Variants in ATP8B4 observed in about 807,000 individuals in gnomAD.
The protein encoded by ATP8B4 is probable phospholipid-transporting ATPase IM.
In ATP8B4, 133 loss-of-function variants were observed where a neutral mutation model predicts 145.6. The observed-to-expected ratio is 0.91, with a 90% confidence interval of 0.79 to 1.05. The LOEUF is 1.05. Among genes scored for constraint, ATP8B4 ranks in the 50% least tolerant of loss-of-function variants. ATP8B4 has a pLI of 0.00. For synonymous variants in ATP8B4, 507 were observed against 492.9 expected (o/e 1.03, Z -0.38); for missense variants, 1,458 against 1,425.2 (o/e 1.02, Z -0.37).
At chr15:50,110,771 A>T (rs1255115070) in intron 1 of ATP8B4, among the ~76,000 whole-genome samples, 1 of 152,208 alleles carries the variant, frequency 6.6e-6, no homozygotes, top group Non-Finnish European at 1.5e-5. Flanking sequence ...AAAATCCTAG[A>T]GGGTTGCTTT....
intron 23 of ATP8B4, among the ~76,000 whole-genome samples, chr15:49,883,813 A>G (rs867127875): frequency 3.3e-5 from 5 of 152,060 alleles, no homozygotes; most frequent in African/African-American, 4.8e-5. Context: ...CCCAAAGGGG[A>G]AAAAAAGGTT....
At chr15:50,120,064 A>G (rs2057251267), upstream of ATP8B4, among the ~76,000 whole-genome samples, 1 of 152,178 alleles carries the variant, frequency 6.6e-6, no homozygotes, top group South Asian at 2.1e-4. Context: ...CTTCTTTTAA[A>G]TATGCCTAAA....
chr15:50,085,876 T>TTTATATATTTATATATGATATATATC (rs2054889077), intron 2 of ATP8B4, among the ~76,000 whole-genome samples: 1 of 32,048 alleles, frequency 3.1e-5, no homozygotes, highest in African/African-American at 1.8e-4. Context: ...ATCATATATA[T>TTTATATATTTATATATGATATATATC]TTATATATTT....
upstream of ATP8B4, among the ~76,000 whole-genome samples, chr15:50,121,662 A>AG (rs1162619283): frequency 1.3e-5 from 2 of 151,796 alleles, no homozygotes; most frequent in Non-Finnish European, 2.9e-5. Flanking sequence ...TTAGGATACA[A>AG]GAAAAAAAAA....
chr15:50,024,540 G>A (rs1370581695), intron 6 of ATP8B4, among the ~76,000 whole-genome samples: 1 of 152,124 alleles, frequency 6.6e-6, no homozygotes, highest in Non-Finnish European at 1.5e-5. Flanking sequence ...CCTGGAAAGG[G>A]GCAAGGTAAC....
chr15:50,141,290 GA>G (rs1005492959), intron 1 of ATP8B4, among the ~76,000 whole-genome samples: 25 of 151,822 alleles, frequency 1.6e-4, no homozygotes, highest in African/African-American at 6.1e-4. Context: ...CAAGAATAGG[GA>G]AACCAAAACA....
intron 23 of ATP8B4, among the ~76,000 whole-genome samples, chr15:49,880,844 G>A (rs1253209740): frequency 6.8e-6 from 1 of 147,298 alleles, no homozygotes; most frequent in Non-Finnish European, 1.5e-5. Flanking sequence ...CAGGTGTGGT[G>A]GCTCACACCT....
chr15:49,973,075 T>G (rs1013939485), intron 12 of ATP8B4, among the ~76,000 whole-genome samples: 1 of 152,172 alleles, frequency 6.6e-6, no homozygotes, highest in Non-Finnish European at 1.5e-5. Flanking sequence ...GTGGAGACTT[T>G]GTGTGTAGTG....
In ATP8B4 at chr15:49,879,398, A is replaced by G; in HGVS notation, c.2759T>C (p.Leu920Ser). Residue 920 changes from leucine to serine, a missense_variant, in exon 24 of 28, where the codon TTA (leucine) becomes TCA (serine). Coordinates refer to ENST00000284509, the MANE Select transcript of ATP8B4 (RefSeq NM_024837.4). ...TACCTGGTCAAAAATCCCCATGGCT[A>G]AAACAGGCAGTGATGTGTAAACAAT... The part of the protein sequence containing the change: ...FNIVYTSLPV[L>S]AMGIFDQDVS... 6.2e-7 allele frequency: 1 copy of G among 1,612,784 alleles called. No individual in the cohort carries two copies. Among genetic ancestry groups the G allele is most frequent in the South Asian group, 1.1e-5 (1 of 90,824 alleles).
intron 1 of ATP8B4, among the ~76,000 whole-genome samples, chr15:50,116,032 G>C (rs896389160): frequency 6.6e-6 from 1 of 152,162 alleles, no homozygotes; most frequent in African/African-American, 2.4e-5. Flanking sequence ...TCACAGTTTG[G>C]GCTGGCACAA....
chr15:50,143,869 C>T (rs931148152), intron 1 of ATP8B4, among the ~76,000 whole-genome samples: 1 of 152,190 alleles, frequency 6.6e-6, no homozygotes, highest in Non-Finnish European at 1.5e-5. Context: ...CCAGAAAATA[C>T]AGGCCTACGT....
intron 14 of ATP8B4, among the ~76,000 whole-genome samples, chr15:49,940,391 C>A (rs2042071344): frequency 6.6e-6 from 1 of 152,056 alleles, no homozygotes; most frequent in South Asian, 2.1e-4. Context: ...CCAGGGACTG[C>A]TACAGCAGGG....
At chr15:50,112,301 C>T (rs975683239) in intron 1 of ATP8B4, among the ~76,000 whole-genome samples, 1 of 152,024 alleles carries the variant, frequency 6.6e-6, no homozygotes, top group African/African-American at 2.4e-5. Flanking sequence ...CCTGCCCAGG[C>T]GAGCCCCTCC....
rs1197929240 is a variant in ATP8B4 at position 49,981,221 on chromosome 15, A to G, written c.822T>C (p.Asn274=). Residue 274 remains asparagine, a synonymous_variant, in exon 11 of 28, where the codon AAT becomes AAC. Transcript: ENST00000284509. ...TGTAACTTACCCATAGTACTAGAGT[A>G]TTCATCAATCTATCAATGCTTGTCC... is the stretch of plus-strand genomic sequence containing the variant. ...FKRTSIDRLM[N]TLVLWIFGFL... is the part of the protein sequence containing the mutation. 1.2e-6 allele frequency: 2 copies of G among 1,601,328 alleles called. No homozygotes were observed. The highest frequency in any genetic ancestry group is 1.7e-6 in the Non-Finnish European group (2 of 1,170,030).
intron 20 of ATP8B4, among the ~76,000 whole-genome samples, chr15:49,907,306 T>C (rs1201739190): frequency 6.6e-6 from 1 of 152,248 alleles, no homozygotes; most frequent in East Asian, 1.9e-4. Context: ...GAGTTTCTAT[T>C]CTTGCATGCC....
chr15:49,916,147 C>T (rs1184683758), intron 20 of ATP8B4, among the ~76,000 whole-genome samples: 1 of 151,890 alleles, frequency 6.6e-6, no homozygotes, highest in African/African-American at 2.4e-5. Flanking sequence ...TGTTATAAGA[C>T]AGTATTTTTT....
intron 20 of ATP8B4, among the ~76,000 whole-genome samples, chr15:49,906,131 A>G (rs1001555290): frequency 1.6e-4 from 25 of 152,328 alleles, no homozygotes; most frequent in African/African-American, 6.0e-4. Flanking sequence ...GCATGTATAT[A>G]TCATAGCATT....
At position 49,920,305 on chromosome 15, in the gene ATP8B4, T is replaced by A. The variant is rs1485834828; in HGVS notation, c.1864A>T (p.Thr622Ser). The A allele has an allele frequency of 6.2e-7, 1 of 1,614,224 alleles. No individual in the cohort carries two copies. The highest frequency in any genetic ancestry group is 8.5e-7 in the Non-Finnish European group (1 of 1,180,044). Residue 622 changes from threonine (T) to serine (S), a missense_variant, in exon 18 of 28, where the codon ACA becomes TCA. Thr to Ser is a moderately conservative substitution (Grantham distance 58, BLOSUM62 1). Coordinates refer to ENST00000284509, the MANE Select transcript of ATP8B4 (RefSeq NM_024837.4). Reference protein sequence around the residue: ...HKMLEDANAATEERDERIAGL... With the variant: ...HKMLEDANAASEERDERIAGL... ...GCTATTCGTTCATCCCTCTCTTCTG[T>A]GGCAGCATTCGCATCTTCAAGCATC...
chr15:50,164,913 C>G (rs547507914), intron 1 of ATP8B4, among the ~76,000 whole-genome samples: 6 of 152,240 alleles, frequency 3.9e-5, no homozygotes, highest in Non-Finnish European at 7.3e-5. Flanking sequence ...CCTACAATCA[C>G]TGTGCTCTCC....
Sources: gnomAD v4.1 joint callset for allele counts (sites outside exome capture counted in the v4.1 genomes callset) on GRCh38, gnomAD v4.1.1 for gene constraint, MANE v1.5 for transcripts, NCBI Gene and HGNC (gene_info 2026-07-23, HGNC 2026-07-21) for gene names.